The following CASQ2 variants were observed in gnomAD, a reference collection of about 807,000 sequenced individuals.
CASQ2 encodes calsequestrin-2.
CASQ2 carries 49 observed loss-of-function variants against 46.5 expected under a neutral mutation model. The observed-to-expected ratio is 1.05, with a 90% CI of 0.84 to 1.34. CASQ2 has a LOEUF of 1.34. CASQ2 is among the 40% of genes most tolerant of loss of function. The pLI is 0.00. For missense variants in CASQ2, 486 were observed against 481.3 expected, an observed-to-expected ratio of 1.01 and a Z score of -0.09; for synonymous variants, 174 against 168.5, an observed-to-expected ratio of 1.03 and a Z score of -0.25.
chr1:115,761,488 G>GAGAAGGAGAAGA (rs1648953806), intron 1 of CASQ2, among the ~76,000 whole-genome samples: 1 of 13,142 alleles, frequency 7.6e-5, no homozygotes, highest in East Asian at 1.7e-3. Flanking sequence ...GAAGAAGAAG[G>GAGAAGGAGAAGA]AGAAGAAGGA....
At chr1:115,759,239 G>A (rs1046949686) in intron 1 of CASQ2, among the ~76,000 whole-genome samples, 3 of 152,284 alleles carry the variant, frequency 2.0e-5, no homozygotes, top group African/African-American at 7.2e-5. Flanking sequence ...TTCCCAATAT[G>A]GTAGTGTTCA....
At chr1:115,758,518 T>C (rs919786774) in intron 1 of CASQ2, among the ~76,000 whole-genome samples, 3 of 152,182 alleles carry the variant, frequency 2.0e-5, no homozygotes, top group Non-Finnish European at 2.9e-5. Context: ...TGGACGTTTT[T>C]CCCTCCAAAT....
Position 115,700,650 on chromosome 1 carries a change from T to C in CASQ2, c.*591A>G, listed in dbSNP as rs1242929919. ...CCAAAGGCTTGAATATCCAAGTTCA[T>C]AGTGATATGAATGACCATCACTTGA... On this transcript the variant is annotated 3_prime_UTR_variant, in exon 11 of 11. Transcript: ENST00000261448. 9 of 206,276 alleles carry C rather than the reference T, an allele frequency of 4.4e-5. No homozygotes were observed. Among genetic ancestry groups the C allele is most frequent in the Non-Finnish European group, 8.8e-5 (9 of 102,014 alleles). The allele number at this position is 206,276 out of a possible 1,614,324, so 12.8% of individuals were successfully genotyped here.
intron 1 of CASQ2, among the ~76,000 whole-genome samples, chr1:115,753,339 C>T (rs1396260024): frequency 6.6e-6 from 1 of 151,968 alleles, no homozygotes; most frequent in Non-Finnish European, 1.5e-5. Flanking sequence ...GGGAGAAGTG[C>T]GGGGAGAGAA....
intron 1 of CASQ2, among the ~76,000 whole-genome samples, chr1:115,750,896 C>CTGTATGTATGTATCGCACCTACAGGA (rs1648557401): frequency 6.6e-6 from 1 of 150,980 alleles, no homozygotes. Context: ...AGATTGTATC[C>CTGTATGTATGTATCGCACCTACAGGA]TGTAGGTATG....
chr1:115,740,819 T>C lies in CASQ2; in HGVS notation c.329A>G (p.Glu110Gly). The C allele has an allele frequency of 6.2e-7, 1 of 1,609,748 alleles. No individual in the cohort carries two copies. Among genetic ancestry groups the C allele is most frequent in the Non-Finnish European group, 8.5e-7 (1 of 1,176,154 alleles). The part of the protein sequence containing the change: ...AKLAKKLGFD[E>G]EGSLYILKGD... ...CTTAAGAATATACAGGCTTCCTTCT[T>C]CATCAAAACCTGTAAGAAACAAAGA... Residue 110 changes from glutamate to glycine, a missense_variant, in exon 3 of 11, where the codon GAA becomes GGA. Transcript: ENST00000261448.
At chr1:115,734,479 C>T (rs1377201609) in intron 4 of CASQ2, among the ~76,000 whole-genome samples, 1 of 152,186 alleles carries the variant, frequency 6.6e-6, no homozygotes, top group Non-Finnish European at 1.5e-5. Context: ...AAGGTGACCT[C>T]CAGATGGGTG....
chr1:115,725,451 T>C (rs1647547363), intron 7 of CASQ2, 57 bp downstream of exon 7: 1 of 1,588,646 alleles, frequency 6.3e-7, no homozygotes, highest in African/African-American at 1.4e-5. Context: ...TAAGAAGCAC[T>C]CCTCTTTGGG....
chr1:115,731,616 C>T (rs1647787497), intron 5 of CASQ2, among the ~76,000 whole-genome samples: 1 of 152,182 alleles, frequency 6.6e-6, no homozygotes, highest in African/African-American at 2.4e-5. Flanking sequence ...AGGCAGTTTG[C>T]ATATATTGCT....
At position 115,729,035 on chromosome 1, in the gene CASQ2, C is replaced by CTTTTT. The variant is rs753965730; in HGVS notation, c.607-1918_607-1914dup. Among the ~76,000 whole-genome samples the CTTTTT allele has an allele frequency of 3.6e-3, 249 of 68,884 alleles. 4 individuals carry two copies. Among genetic ancestry groups the CTTTTT allele is most frequent in the Non-Finnish European group, 4.3e-3 (160 of 36,836 alleles). The allele number at this position is 68,884 out of a possible 152,430, so 45.2% of individuals were successfully genotyped here. ...TCTCAGAGAATCCCTCTCTTTCATT[C>CTTTTT]TTTTTTTTTTTTTTTTTTTTTTTTT... On this transcript the variant is annotated intron_variant, in intron 5 of 10. Transcript: ENST00000261448.
chr1:115,767,489 C>A (rs1307471444), intron 1 of CASQ2, among the ~76,000 whole-genome samples: 1 of 152,134 alleles, frequency 6.6e-6, no homozygotes, highest in Non-Finnish European at 1.5e-5. Flanking sequence ...CAGGTTTGCG[C>A]CTGGGCTAGG....
chr1:115,710,953 C>A (rs563925437), intron 8 of CASQ2, among the ~76,000 whole-genome samples: 7 of 152,142 alleles, frequency 4.6e-5, no homozygotes, highest in Non-Finnish European at 1.0e-4. Flanking sequence ...GGGAATGAGC[C>A]TTCACCAAGC....
chr1:115,721,633 A>C (rs939769643), intron 7 of CASQ2, among the ~76,000 whole-genome samples: 3 of 152,100 alleles, frequency 2.0e-5, no homozygotes, highest in East Asian at 1.9e-4. Flanking sequence ...GTGCAGTGGC[A>C]CATCTCAGCT....
chr1:115,727,245 A>G, intron 5 of CASQ2, 123 bp from the exon 6 acceptor site: 1 of 754,724 alleles, frequency 1.3e-6, no homozygotes, highest in Non-Finnish European at 2.3e-6. Flanking sequence ...GTACAGTTTT[A>G]ACTTCAATGT....
intron 8 of CASQ2, among the ~76,000 whole-genome samples, chr1:115,708,313 T>C (rs1274716342): frequency 2.0e-5 from 3 of 152,168 alleles, no homozygotes; most frequent in Non-Finnish European, 4.4e-5. Flanking sequence ...AGGTTGACAT[T>C]AAAGCTGAAA....
At position 115,705,327 on chromosome 1, in the gene CASQ2, G is replaced by T. The variant is rs754058391; in HGVS notation, c.839-35C>A. On this transcript the variant is annotated intron_variant, in intron 8 of 10. Transcript: ENST00000261448. ...GATTCAAGAGAGTTGAGTAACCCCT[G>T]CACATACACAGCTTCTAATGTGGAG... The T allele has an allele frequency of 3.8e-6, 5 of 1,327,774 alleles. No homozygotes were observed. In the East Asian group the frequency reaches 1.1e-4, roughly 31 times the overall value. The allele number at this position is 1,327,774 out of a possible 1,614,324, so 82.2% of individuals were successfully genotyped here. A position where few individuals can be genotyped will look rare whatever the true frequency, so the allele number is the denominator to read the frequency against.
rs963168627 is a variant in CASQ2, at chr1:115,763,379, G to T, written c.234+4929C>A. ...TGCCAAACAGGAGTACATCGAGAGC[G>T]ACCTGTGACCGCTGGCAACTCACTC... On this transcript the variant is annotated intron_variant, in intron 1 of 10. Coordinates refer to ENST00000261448, the MANE Select transcript of CASQ2 (RefSeq NM_001232.4). Among the ~76,000 whole-genome samples the T allele has an allele frequency of 2.0e-5, 3 of 152,170 alleles. No homozygotes were observed. The East Asian group carries it at 5.8e-4, about 30-fold the overall frequency.
At chr1:115,726,447 A>C (rs1647594789) in intron 6 of CASQ2, among the ~76,000 whole-genome samples, 2 of 152,316 alleles carry the variant, frequency 1.3e-5, no homozygotes, top group East Asian at 3.9e-4. Flanking sequence ...CAGAACCTGA[A>C]ATATTTACCA....
chr1:115,749,915 C>A (rs1489753676), intron 1 of CASQ2, among the ~76,000 whole-genome samples: 1 of 152,230 alleles, frequency 6.6e-6, no homozygotes, highest in East Asian at 1.9e-4. Flanking sequence ...TCACCCCATT[C>A]TCCTCTCTGG....
Sources: allele counts gnomAD v4.1 joint callset (sites outside exome capture counted in the v4.1 genomes callset), GRCh38; gene constraint gnomAD v4.1.1; transcripts MANE v1.5; gene names NCBI Gene and HGNC (gene_info 2026-07-23, HGNC 2026-07-21).